The following ATP2B2 variants were observed in gnomAD, a reference collection of about 807,000 sequenced individuals.
ATP2B2 encodes the protein ATPase plasma membrane Ca2+ transporting 2, also known as plasma membrane calcium-transporting ATPase 2.
A neutral mutation model predicts 120.0 loss-of-function variants in ATP2B2; 15 were observed. That is an observed-to-expected ratio of 0.12 (90% CI 0.08 to 0.19). ATP2B2 has a LOEUF of 0.19. Among genes scored for constraint, ATP2B2 ranks in the 10% least tolerant of loss-of-function variants. The pLI, the probability that ATP2B2 is intolerant of heterozygous loss-of-function variation, is 1.00. For synonymous variants in ATP2B2, 694 were observed against 700.3 expected, an observed-to-expected ratio of 0.99 and a Z score of 0.14; for missense variants, 1,045 against 1,719.8, an observed-to-expected ratio of 0.61 and a Z score of 6.94.
intron 2 of ATP2B2, among the ~76,000 whole-genome samples, chr3:10,595,633 C>T (rs2068747906): frequency 9.1e-6 from 1 of 109,416 alleles, no homozygotes; most frequent in Non-Finnish European, 1.8e-5. Context: ...TGCCACATCT[C>T]ATATAAACAG....
At chr3:10,654,963 C>T (rs2070576064) in intron 1 of ATP2B2, among the ~76,000 whole-genome samples, 1 of 152,136 alleles carries the variant, frequency 6.6e-6, no homozygotes, top group African/African-American at 2.4e-5. Flanking sequence ...ATTGTAGGGG[C>T]TGTCAGCGGG....
At chr3:10,341,740 G>A (rs976291308) in intron 19 of ATP2B2, among the ~76,000 whole-genome samples, 1 of 152,130 alleles carries the variant, frequency 6.6e-6, no homozygotes, top group African/African-American at 2.4e-5. Flanking sequence ...AAGCCGACCA[G>A]GACCCCCGCT....
chr3:10,458,151 A>C lies in ATP2B2; in HGVS notation c.-319-8289T>G, dbSNP rs569281553. ...CTGTCTGTCCATCTGTCAATCCATCAATCTCTCCATCCATCTGTTCATCCA... is the reference window on the plus strand; with the variant it reads ...CTGTCTGTCCATCTGTCAATCCATCCATCTCTCCATCCATCTGTTCATCCA... On this transcript the variant is annotated intron_variant, in intron 1 of 22. Coordinates refer to ENST00000360273, the MANE Select transcript of ATP2B2 (RefSeq NM_001001331.4). Among the ~76,000 whole-genome samples, 79 of 152,142 alleles carry C rather than the reference A, an allele frequency of 5.2e-4. 1 individual carries two copies. The South Asian group carries it at 0.016, about 30-fold the overall frequency.
chr3:10,376,113 T>C (rs2061373752), intron 10 of ATP2B2, among the ~76,000 whole-genome samples: 1 of 152,140 alleles, frequency 6.6e-6, no homozygotes. Flanking sequence ...ACATCTTAGT[T>C]CCTAGTTTGG....
chr3:10,392,752 T>C (rs1205975370), intron 5 of ATP2B2, among the ~76,000 whole-genome samples: 1 of 152,258 alleles, frequency 6.6e-6, no homozygotes, highest in Non-Finnish European at 1.5e-5. Flanking sequence ...ACATGGTGTC[T>C]AATTCTGATT....
At chr3:10,392,990 C>T (rs1013889283) in intron 5 of ATP2B2, among the ~76,000 whole-genome samples, 3 of 152,164 alleles carry the variant, frequency 2.0e-5, no homozygotes, top group Non-Finnish European at 2.9e-5. Context: ...GACCAGATGG[C>T]GCCCCCCTTC....
chr3:10,535,399 G>C (rs1426718911), intron 2 of ATP2B2, among the ~76,000 whole-genome samples: 1 of 151,900 alleles, frequency 6.6e-6, no homozygotes, highest in Non-Finnish European at 1.5e-5. Flanking sequence ...GTGTGTGTGT[G>C]TGTGTGTGTG....
At chr3:10,365,509 G>A (rs1234497573) in intron 12 of ATP2B2, among the ~76,000 whole-genome samples, 1 of 152,120 alleles carries the variant, frequency 6.6e-6, no homozygotes. Context: ...TGTCCGGGAC[G>A]ACAGAAGCCC....
At chr3:10,374,750 G>C (rs1257377303) in intron 11 of ATP2B2, among the ~76,000 whole-genome samples, 1 of 152,014 alleles carries the variant, frequency 6.6e-6, no homozygotes, top group African/African-American at 2.4e-5. Context: ...CTGCCATCAG[G>C]GTAGCGCTTA....
intron 1 of ATP2B2, among the ~76,000 whole-genome samples, chr3:10,681,019 C>T (rs73037828): frequency 0.038 from 5,856 of 152,142 alleles, 123 homozygotes; most frequent in South Asian, 0.071. Flanking sequence ...TAAAAGCATG[C>T]GGCACCTCCT....
chr3:10,513,891 G>T (rs1327682577), intron 3 of ATP2B2, among the ~76,000 whole-genome samples: 2 of 151,976 alleles, frequency 1.3e-5, no homozygotes, highest in Non-Finnish European at 2.9e-5. Flanking sequence ...GATAGAACCT[G>T]GTTTTTTCCC....
chr3:10,396,950 G>C (rs949809374), intron 5 of ATP2B2, among the ~76,000 whole-genome samples: 2 of 152,192 alleles, frequency 1.3e-5, no homozygotes, highest in Admixed American at 6.5e-5. Flanking sequence ...CAAGGAATGG[G>C]GAAGGGAACC....
intron 1 of ATP2B2, among the ~76,000 whole-genome samples, chr3:10,494,677 G>A (rs563766610): frequency 1.3e-5 from 2 of 152,310 alleles, no homozygotes; most frequent in South Asian, 2.1e-4. Flanking sequence ...CTAACCTGCT[G>A]TGTGACTGGA....
At chr3:10,404,038 C>CCAAGTG (rs1378777587) in intron 3 of ATP2B2, among the ~76,000 whole-genome samples, 1 of 152,224 alleles carries the variant, frequency 6.6e-6, no homozygotes, top group Non-Finnish European at 1.5e-5. Context: ...GACAAGAAGT[C>CCAAGTG]CAAGTGACAC....
At chr3:10,399,353 T>C (rs2062145810) in intron 5 of ATP2B2, among the ~76,000 whole-genome samples, 1 of 152,240 alleles carries the variant, frequency 6.6e-6, no homozygotes, top group African/African-American at 2.4e-5. Context: ...TCTCTCTGCC[T>C]GGAATACTTT....
intron 1 of ATP2B2, among the ~76,000 whole-genome samples, chr3:10,670,474 G>A (rs1490339678): frequency 6.6e-6 from 1 of 152,180 alleles, no homozygotes; most frequent in Non-Finnish European, 1.5e-5. Flanking sequence ...CTGGAATGCA[G>A]TGGTGTGATC....
chr3:10,373,119 G>A (rs78027743), intron 11 of ATP2B2, among the ~76,000 whole-genome samples: 6 of 152,176 alleles, frequency 3.9e-5, no homozygotes, highest in African/African-American at 1.4e-4. Context: ...ATAAACGCAC[G>A]TTGAATGATC....
chr3:10,408,891 G>C (rs2062510784), intron 3 of ATP2B2, among the ~76,000 whole-genome samples: 1 of 152,204 alleles, frequency 6.6e-6, no homozygotes, highest in African/African-American at 2.4e-5. Context: ...AGGAAACGCA[G>C]CTGAGGGACA....
In ATP2B2 at chr3:10,542,972, C is replaced by G. The variant is rs141133624; in HGVS notation, c.-414-8839G>C. On this transcript the variant is annotated intron_variant, in intron 2 of 21. Coordinates refer to the ATP2B2 transcript ENST00000646379. Reference sequence around the variant, plus strand: ...ACCTCCTTCCAGTAGTCCAATGACACGAGTGTTAAATCTTTTGTTAAATCA... The same window carrying G: ...ACCTCCTTCCAGTAGTCCAATGACAGGAGTGTTAAATCTTTTGTTAAATCA... 4.6e-3 allele frequency among the ~76,000 whole-genome samples: 704 copies of G among 152,196 alleles called. 4 individuals are homozygous for G. Among genetic ancestry groups the G allele is most frequent in the African/African-American group, 0.016 (671 of 41,496 alleles).
Sources: allele counts gnomAD v4.1 joint callset (sites outside exome capture counted in the v4.1 genomes callset), GRCh38; gene constraint gnomAD v4.1.1; transcripts MANE v1.5; gene names NCBI Gene and HGNC (gene_info 2026-07-23, HGNC 2026-07-21).